The following MXRA7 variants were observed in gnomAD, a reference collection of about 807,000 sequenced individuals.
MXRA7 encodes matrix remodeling associated 7, also known as matrix-remodeling-associated protein 7.
Under a neutral mutation model 17.4 loss-of-function variants are expected in MXRA7, and 18 were observed. The observed-to-expected ratio is 1.03, with a 90% CI of 0.71 to 1.53. The LOEUF is 1.53. Among genes scored for constraint, MXRA7 ranks in the 40% most tolerant of loss-of-function variants. The probability of loss-of-function intolerance (pLI) is 0.00; values close to 1 mark genes in which losing one functional copy is unlikely to be tolerated. For missense variants in MXRA7, 141 were observed against 209.3 expected (o/e 0.67, Z 2.01); for synonymous variants, 70 against 101.7 (o/e 0.69, Z 1.87).
At chr17:76,705,853 A>G (rs780693470) in intron 1 of MXRA7, among the ~76,000 whole-genome samples, 5 of 152,258 alleles carry the variant, frequency 3.3e-5, no homozygotes, top group Admixed American at 6.5e-5. Context: ...GTATTTTGAT[A>G]TATCAGCCTA....
chr17:76,687,603 C>T (rs763270445), intron 2 of MXRA7, among the ~76,000 whole-genome samples: 1 of 152,218 alleles, frequency 6.6e-6, no homozygotes, highest in Non-Finnish European at 1.5e-5. Context: ...CTGGCAGTGT[C>T]TCCCCTGTTC....
chr17:76,695,402 C>T (rs1369201553), intron 1 of MXRA7, among the ~76,000 whole-genome samples: 4 of 150,182 alleles, frequency 2.7e-5, no homozygotes, highest in African/African-American at 9.9e-5. Flanking sequence ...AGGGATAAAG[C>T]AAAACCTTGT....
intron 1 of MXRA7, 56 bp downstream of exon 1, chr17:76,710,549 A>T (rs1376027374): frequency 8.2e-7 from 1 of 1,215,028 alleles, no homozygotes; most frequent in Non-Finnish European, 1.0e-6. Context: ...GGGGAACGGC[A>T]GCGGCAGCCG....
chr17:76,702,318 G>C (rs1229736214), intron 1 of MXRA7, among the ~76,000 whole-genome samples: 2 of 152,156 alleles, frequency 1.3e-5, no homozygotes, highest in African/African-American at 2.4e-5. Flanking sequence ...ACCAGGCCTA[G>C]GCAACATAGC....
intron 2 of MXRA7, among the ~76,000 whole-genome samples, chr17:76,686,657 G>A (rs1427283487): frequency 6.6e-6 from 1 of 152,212 alleles, no homozygotes; most frequent in African/African-American, 2.4e-5. Flanking sequence ...AGTTTTGCTA[G>A]ACCAGAATTC....
intron 1 of MXRA7, among the ~76,000 whole-genome samples, chr17:76,691,455 T>C (rs1272769971): frequency 6.6e-6 from 1 of 152,176 alleles, no homozygotes; most frequent in Non-Finnish European, 1.5e-5. Flanking sequence ...ACCCTTGATT[T>C]GTAGGCAAGT....
At chr17:76,699,287 A>G (rs964961237) in intron 1 of MXRA7, among the ~76,000 whole-genome samples, 1 of 152,160 alleles carries the variant, frequency 6.6e-6, no homozygotes, top group Admixed American at 6.5e-5. Context: ...CTGGGATCAC[A>G]GGAGTGTGCC....
downstream of MXRA7, chr17:76,676,468 AAAG>A (rs1431496906): frequency 6.6e-6 from 1 of 152,256 alleles, no homozygotes; most frequent in African/African-American, 2.4e-5. Context: ...CTTTTTGCTG[AAAG>A]AACGCTCCCA....
At chr17:76,682,355 C>T (rs540462980) in intron 3 of MXRA7, among the ~76,000 whole-genome samples, 10 of 152,202 alleles carry the variant, frequency 6.6e-5, no homozygotes, top group Non-Finnish European at 8.8e-5. Flanking sequence ...GCATGGAGGC[C>T]GGGAGGGTGG....
At chr17:76,693,461 T>C (rs1334787786) in intron 1 of MXRA7, among the ~76,000 whole-genome samples, 1 of 146,728 alleles carries the variant, frequency 6.8e-6, no homozygotes, top group East Asian at 1.9e-4. Context: ...TGGATTTTTT[T>C]TTGAGATCTG....
intron 1 of MXRA7, among the ~76,000 whole-genome samples, chr17:76,691,521 AG>A (rs2076478351): frequency 6.6e-6 from 1 of 152,132 alleles, no homozygotes; most frequent in Non-Finnish European, 1.5e-5. Context: ...CCCCTGAAGT[AG>A]GGGGCAGTCT....
intron 1 of MXRA7, among the ~76,000 whole-genome samples, chr17:76,702,963 C>A (rs184304931): frequency 2.3e-5 from 3 of 131,128 alleles, no homozygotes; most frequent in Non-Finnish European, 5.2e-5. Context: ...GTAGGGTTTC[C>A]TGCTGATCTC....
intron 3 of MXRA7, among the ~76,000 whole-genome samples, chr17:76,682,930 C>T (rs774085729): frequency 2.6e-5 from 4 of 152,318 alleles, no homozygotes; most frequent in Non-Finnish European, 4.4e-5. Flanking sequence ...GGTCTAGAGA[C>T]CTCCAAAGAT....
At chr17:76,674,796 T>C (rs1001581277), downstream of MXRA7, 15 of 152,240 alleles carry the variant, frequency 9.9e-5, no homozygotes, top group African/African-American at 3.6e-4. Flanking sequence ...TGCCATATTC[T>C]GGCCAATTGG....
intron 1 of MXRA7, among the ~76,000 whole-genome samples, chr17:76,693,990 G>A (rs1280253701): frequency 6.6e-6 from 1 of 152,182 alleles, no homozygotes; most frequent in African/African-American, 2.4e-5. Context: ...CATTTATTTT[G>A]TTGTCTGTGC....
chr17:76,691,399 G>A (rs866381200), intron 1 of MXRA7, among the ~76,000 whole-genome samples: 2 of 152,110 alleles, frequency 1.3e-5, no homozygotes, highest in East Asian at 1.9e-4. Context: ...CCTGAGCTCC[G>A]TAAGACGCTG....
At chr17:76,702,283 G>T (rs2143669796) in intron 1 of MXRA7, among the ~76,000 whole-genome samples, 1 of 152,314 alleles carries the variant, frequency 6.6e-6, no homozygotes, top group African/African-American at 2.4e-5. Context: ...GAGGCAGGAG[G>T]TTGGATTGAG....
rs902703323 is a variant in MXRA7, at chr17:76,688,344, G to A, written c.343-168C>T. On this transcript the variant is annotated intron_variant, in intron 1 of 3. Transcript: ENST00000449428. ...TGGTCAACCAGCAGGTGGGGGCTGT[G>A]TACAAACGATGGGCCAAAGTGACTC... 6.9e-6 allele frequency: 10 copies of A among 1,445,680 alleles called. No individual in the cohort carries two copies. The African/African-American group carries it at 1.4e-4, about 21-fold the overall frequency. The allele number at this position is 1,445,680 out of a possible 1,614,324, so 89.6% of individuals were successfully genotyped here.
At chr17:76,679,008 AAG>A (rs1352112121), downstream of MXRA7, among the ~76,000 whole-genome samples, 1 of 152,152 alleles carries the variant, frequency 6.6e-6, no homozygotes, top group Non-Finnish European at 1.5e-5. Flanking sequence ...TGTAAGAAGA[AAG>A]AGGGTCAGGT....
Sources: allele counts gnomAD v4.1 joint callset (sites outside exome capture counted in the v4.1 genomes callset), GRCh38; gene constraint gnomAD v4.1.1; transcripts MANE v1.5; gene names NCBI Gene and HGNC (gene_info 2026-07-23, HGNC 2026-07-21).